Variants in MTX2 observed in about 807,000 individuals in gnomAD.
The protein encoded by MTX2 is metaxin-2.
A neutral mutation model predicts 42.3 loss-of-function variants in MTX2; 35 were observed. The ratio of observed to expected loss-of-function variants is 0.83; its 90% CI spans 0.63 to 1.10. The LOEUF (loss-of-function observed/expected upper bound fraction) is 1.10. MTX2 is among the 50% of genes least tolerant of loss of function. MTX2 has a pLI of 0.00. For synonymous variants in MTX2, 119 were observed against 100.9 expected (o/e 1.18, Z -1.08); for missense variants, 307 against 304.1 (o/e 1.01, Z -0.07).
At chr2:176,276,898 ATCTGT>A (rs1264337735) in intron 1 of MTX2, among the ~76,000 whole-genome samples, 1 of 152,160 alleles carries the variant, frequency 6.6e-6, no homozygotes. Context: ...TAAGAACAAT[ATCTGT>A]TCTGTTCTTT....
intron 1 of MTX2, among the ~76,000 whole-genome samples, chr2:176,276,670 C>G (rs1484772959): frequency 6.6e-6 from 1 of 151,856 alleles, no homozygotes; most frequent in Non-Finnish European, 1.5e-5. Flanking sequence ...TTTTATTGCC[C>G]AAGAGCCTTT....
chr2:176,315,373 G>A (rs539517146), intron 3 of MTX2, among the ~76,000 whole-genome samples: 4 of 151,920 alleles, frequency 2.6e-5, no homozygotes, highest in Non-Finnish European at 4.4e-5. Flanking sequence ...TATCCACATC[G>A]AGTTATCAGC....
Position 176,328,295 on chromosome 2 carries a change from C to A in MTX2, c.288C>A (p.Gly96=). ...AAATTTTTTTAAATTCCCTTTAGGG[C>A]CATTCTCTTAGTGATGGGCTGGAGG... ...GPIVQFVKAK[G]HSLSDGLEEV... Residue 96 remains glycine, a splice_region_variant and synonymous_variant, in exon 6 of 10, where the codon GGC becomes GGA. Transcript: ENST00000249442. 6.4e-7 allele frequency: 1 copy of A among 1,551,022 alleles called. No homozygotes were observed. Among genetic ancestry groups the A allele is most frequent in the Non-Finnish European group, 8.7e-7 (1 of 1,153,078 alleles).
intron 3 of MTX2, among the ~76,000 whole-genome samples, chr2:176,309,833 A>C (rs1684256988): frequency 6.6e-6 from 1 of 150,544 alleles, no homozygotes; most frequent in African/African-American, 2.4e-5. Flanking sequence ...AATACAGCAC[A>C]CTGATGGGTC....
At chr2:176,288,764 C>T (rs1693263718) in intron 1 of MTX2, among the ~76,000 whole-genome samples, 1 of 151,836 alleles carries the variant, frequency 6.6e-6, no homozygotes, top group African/African-American at 2.4e-5. Context: ...ATTATGTCTT[C>T]ACCTACATTC....
At chr2:176,296,327 C>G (rs1683880541) in intron 1 of MTX2, among the ~76,000 whole-genome samples, 1 of 152,130 alleles carries the variant, frequency 6.6e-6, no homozygotes, top group South Asian at 2.1e-4. Context: ...CAGGATTCCT[C>G]TGTATTTTTA....
chr2:176,301,135 T>A (rs556239435), intron 3 of MTX2, among the ~76,000 whole-genome samples: 1 of 152,300 alleles, frequency 6.6e-6, no homozygotes, highest in South Asian at 2.1e-4. Context: ...AAAATTTTAT[T>A]GATACTGAAT....
chr2:176,337,733 G>T lies in MTX2; in HGVS notation c.*69G>T. On this transcript the variant is annotated 3_prime_UTR_variant, in exon 10 of 10. Coordinates refer to ENST00000249442, the MANE Select transcript of MTX2 (RefSeq NM_006554.5). ...TTACTTGAATGTTACATTAGATATTGGTGTCAGAATTTTAAAACCAAATTA... is the reference window on the plus strand; with the variant it reads ...TTACTTGAATGTTACATTAGATATTTGTGTCAGAATTTTAAAACCAAATTA... 2 of 1,390,806 alleles carry T rather than the reference G, an allele frequency of 1.4e-6. No individual in the cohort carries two copies. The highest frequency in any genetic ancestry group is 1.7e-5 in the South Asian group (1 of 59,320). The allele number at this position is 1,390,806 out of a possible 1,614,324, so 86.2% of individuals were successfully genotyped here.
chr2:176,277,606 T>C (rs1246832112), intron 1 of MTX2, among the ~76,000 whole-genome samples: 1 of 152,172 alleles, frequency 6.6e-6, no homozygotes, highest in Non-Finnish European at 1.5e-5. Context: ...TTCTCCACAT[T>C]GTTCAGGCTG....
chr2:176,324,188 T>G (rs191476393), intron 4 of MTX2, among the ~76,000 whole-genome samples: 51 of 151,736 alleles, frequency 3.4e-4, no homozygotes, highest in African/African-American at 1.2e-3. Flanking sequence ...AATAAATTAT[T>G]AAGTATAACT....
At position 176,337,670 on chromosome 2, in the gene MTX2, T is replaced by G. The variant is rs115530430; in HGVS notation, c.*6T>G. 1 of 1,581,596 alleles carries G rather than the reference T, an allele frequency of 6.3e-7. No homozygotes were observed. Among genetic ancestry groups the G allele is most frequent in the Non-Finnish European group, 8.6e-7 (1 of 1,161,952 alleles). ...GTAAAGGCAGGCTGTCATAGAGTTA[T>G]GTGTTAGTCTCAGGAGTCTTAACTT... On this transcript the variant is annotated 3_prime_UTR_variant, in exon 10 of 10. Coordinates refer to ENST00000249442, the MANE Select transcript of MTX2 (RefSeq NM_006554.5).
chr2:176,300,270 C>A (rs1283626521), intron 3 of MTX2, among the ~76,000 whole-genome samples: 1 of 152,032 alleles, frequency 6.6e-6, no homozygotes, highest in Non-Finnish European at 1.5e-5. Context: ...AAATCCAAAC[C>A]AGCCATCTAA....
chr2:176,292,425 A>G (rs1460182297), intron 1 of MTX2, among the ~76,000 whole-genome samples: 1 of 144,390 alleles, frequency 6.9e-6, no homozygotes, highest in African/African-American at 2.6e-5. Context: ...ATGATTTTAA[A>G]TCCTTAATCT....
At position 176,329,321 on chromosome 2, in the gene MTX2, A is replaced by T. The variant is rs2105445127; in HGVS notation, c.438A>T (p.Gly146=). ...TVGEITHARY[G]SPYPWPLNHI... ...TTTAGATCACTCATGCTAGGTATGG[A>T]TCTCCTTACCCTTGGCCTCTGAATC... Residue 146 remains glycine, a synonymous_variant, in exon 8 of 10, where the codon GGA becomes GGT. Transcript: ENST00000249442. 6.2e-7 allele frequency: 1 copy of T among 1,606,766 alleles called. No individual in the cohort carries two copies. The highest frequency in any genetic ancestry group is 1.7e-4 in the Middle Eastern group (1 of 6,014).
At chr2:176,291,261 A>T (rs1346635732) in intron 1 of MTX2, among the ~76,000 whole-genome samples, 1 of 152,096 alleles carries the variant, frequency 6.6e-6, no homozygotes, top group African/African-American at 2.4e-5. Flanking sequence ...AGTAAAGTTT[A>T]TTTTATTTTT....
chr2:176,318,922 T>C (rs904531430), intron 3 of MTX2, among the ~76,000 whole-genome samples: 30 of 152,202 alleles, frequency 2.0e-4, no homozygotes, highest in Admixed American at 9.8e-4. Context: ...ATGTGGCTAG[T>C]GTGACTAGGG....
intron 1 of MTX2, among the ~76,000 whole-genome samples, chr2:176,296,276 G>A (rs1324687597): frequency 6.6e-6 from 1 of 152,094 alleles, no homozygotes; most frequent in Non-Finnish European, 1.5e-5. Context: ...TTGTGGGGTG[G>A]TGTTGGTAGG....
At chr2:176,325,181 A>C (rs563827284) in intron 4 of MTX2, among the ~76,000 whole-genome samples, 1 of 151,910 alleles carries the variant, frequency 6.6e-6, no homozygotes. Flanking sequence ...GAATCTGCCA[A>C]CTTGTTTGGC....
At chr2:176,334,422 A>T (rs1684939654) in intron 9 of MTX2, among the ~76,000 whole-genome samples, 1 of 151,838 alleles carries the variant, frequency 6.6e-6, no homozygotes, top group South Asian at 2.1e-4. Flanking sequence ...TGGTGTTTGT[A>T]TTATTCTCAC....
Sources: gnomAD v4.1 joint callset for allele counts (sites outside exome capture counted in the v4.1 genomes callset) on GRCh38, gnomAD v4.1.1 for gene constraint, MANE v1.5 for transcripts, NCBI Gene and HGNC (gene_info 2026-07-23, HGNC 2026-07-21) for gene names.